Variants in SLC2A9 observed in about 807,000 individuals in gnomAD.
The protein encoded by SLC2A9 is solute carrier family 2, facilitated glucose transporter member 9.
A neutral mutation model predicts 50.6 loss-of-function variants in SLC2A9; 39 were observed. The ratio of observed to expected loss-of-function variants is 0.77; its 90% CI spans 0.60 to 1.01. The LOEUF (loss-of-function observed/expected upper bound fraction) is 1.01. SLC2A9 is among the 50% of genes least tolerant of loss of function. The pLI, the probability that SLC2A9 is intolerant of heterozygous loss-of-function variation, is 0.00. For synonymous variants in SLC2A9, 324 were observed against 276.9 expected (o/e 1.17, Z -1.69); for missense variants, 686 against 677.6 (o/e 1.01, Z -0.14).
chr4:9,938,340 T>C (rs1747491794), intron 6 of SLC2A9, among the ~76,000 whole-genome samples: 1 of 151,096 alleles, frequency 6.6e-6, no homozygotes, highest in Admixed American at 6.6e-5. Context: ...GGTGTGATCT[T>C]GGCTCACTGT....
At chr4:9,824,089 G>A (rs914607522), downstream of SLC2A9, among the ~76,000 whole-genome samples, 8 of 152,304 alleles carry the variant, frequency 5.3e-5, no homozygotes, top group African/African-American at 1.9e-4. Flanking sequence ...TGGGTCATGA[G>A]AGCCCTCATG....
At chr4:9,991,494 T>A (rs1291312777) in intron 3 of SLC2A9, among the ~76,000 whole-genome samples, 2 of 152,056 alleles carry the variant, frequency 1.3e-5, no homozygotes, top group African/African-American at 4.8e-5. Flanking sequence ...TGGGGCCATC[T>A]TGCACCTCCA....
chr4:9,866,687 G>T (rs997758729), intron 10 of SLC2A9, among the ~76,000 whole-genome samples: 1 of 152,192 alleles, frequency 6.6e-6, no homozygotes, highest in Non-Finnish European at 1.5e-5. Flanking sequence ...TAAGGCAGGA[G>T]CTGTGAGGAA....
intron 5 of SLC2A9, 115 bp from the exon 6 acceptor site, chr4:9,942,160 C>A: frequency 2.3e-6 from 3 of 1,293,210 alleles, no homozygotes; most frequent in Non-Finnish European, 1.1e-6. Flanking sequence ...CCAGCATGAT[C>A]CCCAGGAACA....
intron 4 of SLC2A9, 42 bp downstream of exon 4, chr4:9,985,627 G>C: frequency 6.2e-7 from 1 of 1,613,208 alleles, no homozygotes; most frequent in African/African-American, 1.3e-5. Flanking sequence ...ACACCCCCAA[G>C]GAGTATGTTA....
At chr4:9,888,917 C>A (rs1351705513) in intron 9 of SLC2A9, among the ~76,000 whole-genome samples, 3 of 152,122 alleles carry the variant, frequency 2.0e-5, no homozygotes, top group African/African-American at 7.2e-5. Context: ...AAGTCACTCA[C>A]TCACTCACTA....
chr4:10,005,503 T>C (rs1760637091), intron 2 of SLC2A9, among the ~76,000 whole-genome samples: 1 of 152,248 alleles, frequency 6.6e-6, no homozygotes, highest in South Asian at 2.1e-4. Flanking sequence ...ATGTTCTTCA[T>C]AGGTGCAGTG....
chr4:9,963,643 G>GATGA (rs1752622783), intron 5 of SLC2A9, among the ~76,000 whole-genome samples: 1 of 152,176 alleles, frequency 6.6e-6, no homozygotes, highest in African/African-American at 2.4e-5. Context: ...CTCTCAAGAG[G>GATGA]CCCCTGCTCG....
chr4:9,899,784 C>T (rs946940155), intron 8 of SLC2A9, among the ~76,000 whole-genome samples: 7 of 152,134 alleles, frequency 4.6e-5, no homozygotes, highest in Non-Finnish European at 8.8e-5. Flanking sequence ...GATATTTCAG[C>T]CAAAGTGCAA....
At chr4:9,813,825 GTGGCTCACACC>G (rs1723191939) in intron 3 of SLC2A9, among the ~76,000 whole-genome samples, 1 of 152,172 alleles carries the variant, frequency 6.6e-6, no homozygotes, top group Non-Finnish European at 1.5e-5. Flanking sequence ...GCCAGGTGAT[GTGGCTCACACC>G]TGTAATCCCA....
rs537337107 is a variant in SLC2A9 at position 9,908,606 on chromosome 4, GGTTA to G, written c.1003-265_1003-262del. 1.2e-4 allele frequency among the ~76,000 whole-genome samples: 18 copies of G among 151,710 alleles called. No homozygotes were observed. The East Asian group carries it at 2.5e-3, about 21-fold the overall frequency. On this transcript the variant is annotated intron_variant, in intron 7 of 11. Coordinates refer to ENST00000264784, the MANE Select transcript of SLC2A9 (RefSeq NM_020041.3). ...CTAGGGTACATGTGCACAATGTGCA[GGTTA>G]GTTACATATGTATACATGTGCCATG...
At chr4:9,930,538 G>T (rs114929360) in intron 6 of SLC2A9, among the ~76,000 whole-genome samples, 1,733 of 152,284 alleles carry the variant, frequency 0.011, 47 homozygotes, top group African/African-American at 0.039. Flanking sequence ...TTGCACTAGG[G>T]GAAGGCTCAT....
intron 5 of SLC2A9, among the ~76,000 whole-genome samples, chr4:9,949,954 C>T (rs1011885599): frequency 1.3e-5 from 2 of 152,184 alleles, no homozygotes; most frequent in Non-Finnish European, 2.9e-5. Flanking sequence ...CATGGAGCTT[C>T]TTTGACCTTA....
At position 9,942,016 on chromosome 4, in the gene SLC2A9, C is replaced by G. The variant is rs1010331059; in HGVS notation, c.711G>C (p.Val237=). Residue 237 remains valine (V), a synonymous_variant, in exon 6 of 12, where the codon GTG becomes GTC. Coordinates refer to ENST00000264784, the MANE Select transcript of SLC2A9 (RefSeq NM_020041.3). ...GCTGGACAACGGCAGGGACCACAATCACTCCAAACAGGTATGGCCAGGTAC... is the reference window on the plus strand; with the variant it reads ...GCTGGACAACGGCAGGGACCACAATGACTCCAAACAGGTATGGCCAGGTAC... ...KESTWPYLFG[V]IVVPAVVQLL... The G allele has an allele frequency of 1.1e-5, 17 of 1,614,048 alleles. 1 individual carries two copies. The Middle Eastern group carries it at 4.9e-4, about 47-fold the overall frequency.
chr4:9,878,228 G>A (rs1734606125), intron 10 of SLC2A9, among the ~76,000 whole-genome samples: 1 of 152,080 alleles, frequency 6.6e-6, no homozygotes, highest in Non-Finnish European at 1.5e-5. Flanking sequence ...AAAGCCTTGG[G>A]ATTTCTGGAG....
intron 10 of SLC2A9, among the ~76,000 whole-genome samples, chr4:9,865,270 C>T (rs1337820002): frequency 6.6e-6 from 1 of 152,236 alleles, no homozygotes; most frequent in Non-Finnish European, 1.5e-5. Context: ...CAACATCAGA[C>T]CATGCGCGGG....
intron 10 of SLC2A9, among the ~76,000 whole-genome samples, chr4:9,837,377 A>C (rs919640884): frequency 6.6e-6 from 1 of 152,172 alleles, no homozygotes; most frequent in Non-Finnish European, 1.5e-5. Flanking sequence ...TGTGTCACAC[A>C]CTCAGTTGGT....
intron 2 of SLC2A9, among the ~76,000 whole-genome samples, chr4:9,999,222 A>AT (rs1242903749): frequency 2.6e-5 from 4 of 151,704 alleles, no homozygotes; most frequent in East Asian, 3.9e-4. Flanking sequence ...GCCTGGATAA[A>AT]TTTTTTTTGT....
At chr4:9,857,537 G>T (rs892449802) in intron 10 of SLC2A9, among the ~76,000 whole-genome samples, 1 of 152,208 alleles carries the variant, frequency 6.6e-6, no homozygotes, top group African/African-American at 2.4e-5. Flanking sequence ...CCTGGCAGAG[G>T]CTTTTGTTGG....
Sources: gnomAD v4.1 joint callset for allele counts (sites outside exome capture counted in the v4.1 genomes callset) on GRCh38, gnomAD v4.1.1 for gene constraint, MANE v1.5 for transcripts, NCBI Gene and HGNC (gene_info 2026-07-23, HGNC 2026-07-21) for gene names.